Variants in KPLCE observed in about 807,000 individuals in gnomAD.
The protein encoded by KPLCE is protein KPLCE.
the KPLCE span, chr1:152,720,172 C>T: frequency 6.4e-7 from 1 of 1,551,716 alleles, no homozygotes; most frequent in South Asian, 1.2e-5. Context: ...GCTGTGGCTG[C>T]AGCTGTGGAT....
At chr1:152,720,168 G>A in the KPLCE span, 1 of 1,551,744 alleles carries the variant, frequency 6.4e-7, no homozygotes, top group Non-Finnish European at 8.7e-7. Flanking sequence ...GGGGGCTGTG[G>A]CTGCAGCTGT....
At chr1:152,719,531 C>T in the KPLCE span, 1 of 1,551,094 alleles carries the variant, frequency 6.4e-7, no homozygotes, top group Non-Finnish European at 8.7e-7. Context: ...AATGTGTGAC[C>T]AGCAGAAGCA....
the KPLCE span, chr1:152,719,767 A>G: frequency 6.4e-7 from 1 of 1,551,952 alleles, no homozygotes; most frequent in Non-Finnish European, 8.7e-7. Flanking sequence ...TGAAATACCC[A>G]ACACCCTGCC....
the KPLCE span, chr1:152,719,642 A>G: frequency 6.4e-7 from 1 of 1,552,200 alleles, no homozygotes; most frequent in Non-Finnish European, 8.7e-7. Flanking sequence ...CCAGACCCAA[A>G]CTGTCTGTGT....
the KPLCE span, chr1:152,719,594 G>C: frequency 4.5e-6 from 7 of 1,551,824 alleles, no homozygotes; most frequent in Middle Eastern, 1.7e-4. Flanking sequence ...GGCTGGGCAG[G>C]GTAGCAATGG....
the KPLCE span, chr1:152,720,358 T>G: frequency 8.9e-7 from 1 of 1,125,416 alleles, no homozygotes; most frequent in East Asian, 2.6e-5. Flanking sequence ...TCTCTGTTAG[T>G]GCCAGTGATG....
the KPLCE span, chr1:152,719,810 A>T: frequency 6.4e-7 from 1 of 1,551,636 alleles, no homozygotes. Flanking sequence ...TCCCTGCCAG[A>T]CAACCTATGT....
At chr1:152,720,331 A>C in the KPLCE span, 1 of 1,375,504 alleles carries the variant, frequency 7.3e-7, no homozygotes, top group Non-Finnish European at 9.9e-7. Flanking sequence ...TGGAACATGC[A>C]CCAGCTTCTG....
chr1:152,719,766 C>T, the KPLCE span: 29 of 1,551,978 alleles, frequency 1.9e-5, no homozygotes, highest in Non-Finnish European at 2.4e-5. Context: ...GTGAAATACC[C>T]AACACCCTGC....
At chr1:152,719,571 G>A in the KPLCE span, 1 of 1,551,732 alleles carries the variant, frequency 6.4e-7, no homozygotes, top group Non-Finnish European at 8.7e-7. Context: ...TGTGTGAAAG[G>A]TTCGGGACTA....
the KPLCE span, chr1:152,719,910 A>G: frequency 3.2e-6 from 5 of 1,552,260 alleles, no homozygotes; most frequent in South Asian, 1.2e-5. Flanking sequence ...TGCCAGACCC[A>G]GACGTGCTAT....
the KPLCE span, chr1:152,720,427 T>A: frequency 1.5e-6 from 1 of 651,932 alleles, no homozygotes; most frequent in African/African-American, 1.8e-5. Flanking sequence ...CCTGCCAGAG[T>A]TAGTACAGTC....
chr1:152,719,564 G>A, the KPLCE span: 1 of 1,551,846 alleles, frequency 6.4e-7, no homozygotes, highest in Non-Finnish European at 8.7e-7. Context: ...TCCATCTTGT[G>A]TGAAAGGTTC....
chr1:152,720,173 A>T, the KPLCE span: 2 of 1,551,728 alleles, frequency 1.3e-6, no homozygotes, highest in Non-Finnish European at 1.7e-6. Context: ...CTGTGGCTGC[A>T]GCTGTGGATG....
At chr1:152,719,905 G>A in the KPLCE span, 2 of 1,552,238 alleles carry the variant, frequency 1.3e-6, no homozygotes, top group Non-Finnish European at 1.7e-6. Flanking sequence ...CTCCCTGCCA[G>A]ACCCAGACGT....
chr1:152,720,451 A>G, the KPLCE span: 730 of 596,834 alleles, frequency 1.2e-3, 7 homozygotes, highest in African/African-American at 0.012. Context: ...AAACTTTGGC[A>G]TGAATAAAGC....
the KPLCE span, chr1:152,719,545 A>G: frequency 6.4e-7 from 1 of 1,551,658 alleles, no homozygotes; most frequent in South Asian, 1.2e-5. Flanking sequence ...AGAAGCAGCC[A>G]CAGTTCCCTC....
At chr1:152,719,947 C>A in the KPLCE span, 1 of 1,552,052 alleles carries the variant, frequency 6.4e-7, no homozygotes, top group East Asian at 2.4e-5. Context: ...CTTGCCAGAG[C>A]TATTATGTTC....
chr1:152,719,751 C>G, the KPLCE span: 4 of 1,551,854 alleles, frequency 2.6e-6, no homozygotes, highest in Admixed American at 2.0e-5. Flanking sequence ...TGCCAGAGGA[C>G]CTATGTGAAA....
Sources: gnomAD v4.1 joint callset for allele counts on GRCh38, gnomAD v4.1.1 for gene constraint, MANE v1.5 for transcripts, NCBI Gene and HGNC (gene_info 2026-07-23, HGNC 2026-07-21) for gene names.